Variants in RAB11FIP4 observed in about 807,000 individuals in gnomAD.
The protein encoded by RAB11FIP4 is RAB11 family interacting protein 4.
Under a neutral mutation model 74.3 loss-of-function variants are expected in RAB11FIP4, and 23 were observed. That is an observed-to-expected ratio of 0.31 (90% CI 0.22 to 0.44). The LOEUF (loss-of-function observed/expected upper bound fraction) is 0.44. Ranked by LOEUF, RAB11FIP4 falls within the 20% of genes least tolerant of loss-of-function variation. The pLI is 1.00. For missense variants in RAB11FIP4, 630 were observed against 863.9 expected (o/e 0.73, Z 3.39); for synonymous variants, 360 against 359.9 (o/e 1.00, Z 0.00).
At position 31,436,762 on chromosome 17, in the gene RAB11FIP4, TTG is replaced by T. The variant is rs200246628; in HGVS notation, c.336+2642_336+2643del. Among the ~76,000 whole-genome samples, 63 of 37,560 alleles carry T rather than the reference TTG, an allele frequency of 1.7e-3. 1 individual carries two copies. Among genetic ancestry groups the T allele is most frequent in the Middle Eastern group, 0.011 (1 of 92 alleles). 24.6% of individuals were successfully genotyped at this position (37,560 alleles called of 152,430 possible). ...TTGGGTTTTGTTTTTTGTTTTTTTT[TTG>T]TTTTTTTTTGTTTTTTGTTTTTTTT... On this transcript the variant is annotated intron_variant, in intron 3 of 14. Transcript: ENST00000621161.
In RAB11FIP4 at chr17:31,536,518, C is replaced by G. The variant is rs1235072835; in HGVS notation, c.*4786C>G. On this transcript the variant is annotated 3_prime_UTR_variant, in exon 15 of 15. Coordinates refer to ENST00000621161, the MANE Select transcript of RAB11FIP4 (RefSeq NM_032932.6). Reference sequence around the variant, plus strand: ...ACTCAGTGCTGGTATCCTCCACAGTCCTTTCTCCCAGACTCTGGCCCTCCC... The same window carrying G: ...ACTCAGTGCTGGTATCCTCCACAGTGCTTTCTCCCAGACTCTGGCCCTCCC... The G allele has an allele frequency of 1.3e-5, 2 of 154,118 alleles. No individual in the cohort carries two copies. The highest frequency in any genetic ancestry group is 4.8e-5 in the African/African-American group (2 of 41,514). The allele number at this position is 154,118 out of a possible 1,614,324, so 9.5% of individuals were successfully genotyped here.
intron 1 of RAB11FIP4, among the ~76,000 whole-genome samples, chr17:31,418,717 G>A (rs1262186420): frequency 6.6e-6 from 1 of 152,018 alleles, no homozygotes; most frequent in Non-Finnish European, 1.5e-5. Context: ...CTCCTGCCTT[G>A]ACCCACTCCC....
chr17:31,531,477 G>A, intron 14 of RAB11FIP4, 139 bp from the exon 15 acceptor site: 1 of 664,922 alleles, frequency 1.5e-6, no homozygotes, highest in South Asian at 1.8e-5. Context: ...TGCTGAGGCT[G>A]TCCTGGGGCC....
chr17:31,487,914 G>A (rs1305118868), intron 3 of RAB11FIP4: 11 of 437,286 alleles, frequency 2.5e-5, no homozygotes, highest in Middle Eastern at 1.2e-3. Flanking sequence ...GGGTTACCTG[G>A]GCCCCGCCCC....
chr17:31,508,678 A>T (rs946344894), intron 3 of RAB11FIP4, among the ~76,000 whole-genome samples: 3 of 151,082 alleles, frequency 2.0e-5, no homozygotes, highest in Middle Eastern at 3.2e-3. Context: ...CTCCCTGAGG[A>T]CAGGCTCTGT....
intron 2 of RAB11FIP4, among the ~76,000 whole-genome samples, chr17:31,432,748 T>C (rs2071322933): frequency 6.6e-6 from 1 of 152,196 alleles, no homozygotes; most frequent in South Asian, 2.1e-4. Flanking sequence ...CCCTCTGTCT[T>C]GTCCCAAAAA....
intron 3 of RAB11FIP4, among the ~76,000 whole-genome samples, chr17:31,442,757 T>TCAG (rs1305085955): frequency 2.2e-4 from 33 of 152,154 alleles, no homozygotes; most frequent in Middle Eastern, 3.4e-3. Flanking sequence ...GTCAGGAGTT[T>TCAG]GAGACCAGCC....
chr17:31,424,796 C>G (rs1213735185), intron 1 of RAB11FIP4, among the ~76,000 whole-genome samples: 1 of 152,074 alleles, frequency 6.6e-6, no homozygotes, highest in Non-Finnish European at 1.5e-5. Context: ...AGGCTGGTCT[C>G]GAACTCCTGA....
In RAB11FIP4 at chr17:31,537,165, G is replaced by A. The variant is rs910656433; in HGVS notation, c.*5433G>A. 1 of 399,556 alleles carries A rather than the reference G, an allele frequency of 2.5e-6. No homozygotes were observed. The highest frequency in any genetic ancestry group is 2.1e-5 in the African/African-American group (1 of 48,636). 24.8% of individuals were successfully genotyped at this position (399,556 alleles called of 1,614,324 possible). On this transcript the variant is annotated 3_prime_UTR_variant, in exon 15 of 15. Transcript: ENST00000621161. The stretch of plus-strand genomic sequence containing the variant: ...TTTCTTCCCCATCGCCACTGTACAG[G>A]ATTTTCCACATTGCCCACTGCCTCC...
chr17:31,533,049 A>C lies in RAB11FIP4; in HGVS notation c.*1317A>C. Reference sequence around the variant, plus strand: ...AATATATATAAACGTGTGTGGTCTTATTCTTCCCCCTGCAGTTTCTTGCTT... The same window carrying C: ...AATATATATAAACGTGTGTGGTCTTCTTCTTCCCCCTGCAGTTTCTTGCTT... On this transcript the variant is annotated 3_prime_UTR_variant, in exon 15 of 15. Transcript: ENST00000621161. 1 of 152,148 alleles carries C rather than the reference A, an allele frequency of 6.6e-6. No individual in the cohort carries two copies. The highest frequency in any genetic ancestry group is 1.9e-4 in the East Asian group (1 of 5,196). The allele number at this position is 152,148 out of a possible 1,614,324, so 9.4% of individuals were successfully genotyped here. A position where few individuals can be genotyped will look rare whatever the true frequency, so the allele number is the denominator to read the frequency against.
intron 1 of RAB11FIP4, among the ~76,000 whole-genome samples, chr17:31,421,997 TAGTG>T (rs1208085153): frequency 6.6e-6 from 1 of 151,944 alleles, no homozygotes; most frequent in Non-Finnish European, 1.5e-5. Context: ...CTGGGCAACA[TAGTG>T]AGACCCCCCG....
At chr17:31,464,251 AAGTTGGCCATGCCGGCCAAC>A (rs1303157866) in intron 3 of RAB11FIP4, among the ~76,000 whole-genome samples, 2 of 151,052 alleles carry the variant, frequency 1.3e-5, no homozygotes, top group African/African-American at 4.9e-5. Context: ...GATCAAGCAG[AAGTTGGCCATGCCGGCCAAC>A]AGTTGGTGGC....
intron 3 of RAB11FIP4, among the ~76,000 whole-genome samples, chr17:31,496,486 C>T (rs908248614): frequency 5.3e-5 from 8 of 152,230 alleles, no homozygotes; most frequent in African/African-American, 1.9e-4. Flanking sequence ...ACTGGTGTTC[C>T]AAGGGCTTCT....
intron 3 of RAB11FIP4, among the ~76,000 whole-genome samples, chr17:31,487,644 G>A (rs559637857): frequency 2.6e-5 from 4 of 152,292 alleles, no homozygotes; most frequent in Non-Finnish European, 5.9e-5. Flanking sequence ...ACCGTGTGGG[G>A]CGGGGTGCGC....
chr17:31,504,906 T>G (rs2072288708), intron 3 of RAB11FIP4, among the ~76,000 whole-genome samples: 1 of 152,228 alleles, frequency 6.6e-6, no homozygotes, highest in Admixed American at 6.5e-5. Flanking sequence ...ACCCGAGAAC[T>G]TGTTAGAAAT....
At chr17:31,524,245 G>A (rs1228406509) in intron 9 of RAB11FIP4, 1 of 478,842 alleles carries the variant, frequency 2.1e-6, no homozygotes, top group African/African-American at 2.0e-5. Flanking sequence ...GAGGTCTGAA[G>A]CCACAGGGCT....
intron 3 of RAB11FIP4, among the ~76,000 whole-genome samples, chr17:31,444,168 T>C (rs551062510): frequency 3.3e-5 from 5 of 152,286 alleles, no homozygotes; most frequent in Non-Finnish European, 7.4e-5. Context: ...CTCATGACAA[T>C]GGCACTTATA....
At chr17:31,494,891 C>T (rs1053595446) in intron 3 of RAB11FIP4, among the ~76,000 whole-genome samples, 139 of 152,218 alleles carry the variant, frequency 9.1e-4, no homozygotes, top group African/African-American at 3.3e-3. Context: ...AAGCAGCTTC[C>T]GAGGTAACAG....
In RAB11FIP4 at chr17:31,411,981, C is replaced by T. The variant is rs118161392; in HGVS notation, c.160-19832C>T. On this transcript the variant is annotated intron_variant, in intron 1 of 14. Transcript: ENST00000621161. The stretch of plus-strand genomic sequence containing the variant: ...GGGCCGCAGCCAGGCTGGGTAGGAC[C>T]GAGCATCTCATGAGGGGCCGTGTGA... Among the ~76,000 whole-genome samples, 449 of 152,302 alleles carry T rather than the reference C, an allele frequency of 2.9e-3. 4 individuals are homozygous for T. The highest frequency in any genetic ancestry group is 6.8e-3 in the Middle Eastern group (2 of 294).
Sources: gnomAD v4.1 joint callset for allele counts (sites outside exome capture counted in the v4.1 genomes callset) on GRCh38, gnomAD v4.1.1 for gene constraint, MANE v1.5 for transcripts, NCBI Gene and HGNC (gene_info 2026-07-23, HGNC 2026-07-21) for gene names.